Variants in TNR observed in about 807,000 individuals in gnomAD.
TNR encodes the protein tenascin-R.
A neutral mutation model predicts 150.4 loss-of-function variants in TNR; 45 were observed. The observed-to-expected ratio is 0.30, with a 90% CI of 0.24 to 0.38. The LOEUF is 0.38. Ranked by LOEUF, TNR falls within the 10% of genes least tolerant of loss-of-function variation. TNR has a pLI of 1.00. For synonymous variants in TNR, 687 were observed against 678.4 expected (o/e 1.01, Z -0.20); for missense variants, 1,544 against 1,759.1 (o/e 0.88, Z 2.19).
chr1:175,633,854 C>T (rs1369162017), intron 1 of TNR, among the ~76,000 whole-genome samples: 2 of 152,012 alleles, frequency 1.3e-5, no homozygotes, highest in African/African-American at 4.8e-5. Context: ...TTCCATAGAC[C>T]AGATATGGTT....
At chr1:175,532,864 C>T (rs1660127458) in intron 1 of TNR, among the ~76,000 whole-genome samples, 3 of 152,140 alleles carry the variant, frequency 2.0e-5, no homozygotes, top group Admixed American at 6.6e-5. Context: ...TGGCTAGCTT[C>T]CCCGAGAGTG....
At chr1:175,594,199 G>A (rs1662918226) in intron 1 of TNR, among the ~76,000 whole-genome samples, 1 of 152,052 alleles carries the variant, frequency 6.6e-6, no homozygotes, top group Non-Finnish European at 1.5e-5. Flanking sequence ...TAGGGATTGG[G>A]AATGTTATTC....
At chr1:175,684,914 C>T (rs531823514) in intron 1 of TNR, among the ~76,000 whole-genome samples, 1 of 152,336 alleles carries the variant, frequency 6.6e-6, no homozygotes, top group South Asian at 2.1e-4. Flanking sequence ...CCCACACACT[C>T]CTCTTCCTCA....
chr1:175,373,079 G>A (rs1291075337), intron 9 of TNR, among the ~76,000 whole-genome samples: 4 of 152,208 alleles, frequency 2.6e-5, no homozygotes, highest in Admixed American at 2.6e-4. Context: ...ATGCACAGAA[G>A]CAGCATGGTG....
Position 175,657,853 on chromosome 1 carries a change from GTATATATATATATATA to G in TNR, c.-165+85357_-165+85372del, listed in dbSNP as rs59315046. ...GGTGCAGCACACCAACATGGAACAT[GTATATATATATATATA>G]TATATATATATATATGTAACAAACC... is the stretch of plus-strand genomic sequence containing the variant. On this transcript the variant is annotated intron_variant, in intron 1 of 22. Transcript: ENST00000367674. Among the ~76,000 whole-genome samples, 162 of 70,484 alleles carry G rather than the reference GTATATATATATATATA, an allele frequency of 2.3e-3. 9 individuals carry two copies. Among genetic ancestry groups the G allele is most frequent in the Middle Eastern group, 9.8e-3 (1 of 102 alleles). 46.2% of individuals were successfully genotyped at this position (70,484 alleles called of 152,430 possible).
intron 11 of TNR, 139 bp from the exon 12 acceptor site, chr1:175,365,418 C>T (rs917847643): frequency 2.1e-6 from 2 of 935,462 alleles, no homozygotes; most frequent in Non-Finnish European, 3.1e-6. Flanking sequence ...GAGATTCCAC[C>T]TCCTCACCCT....
chr1:175,614,150 A>AT (rs1663690041), intron 1 of TNR, among the ~76,000 whole-genome samples: 1 of 152,196 alleles, frequency 6.6e-6, no homozygotes, highest in Non-Finnish European at 1.5e-5. Flanking sequence ...TTAATATTTA[A>AT]TTTTTCTTAT....
At chr1:175,645,984 G>A (rs959721610) in intron 1 of TNR, among the ~76,000 whole-genome samples, 1 of 152,160 alleles carries the variant, frequency 6.6e-6, no homozygotes, top group African/African-American at 2.4e-5. Flanking sequence ...TGGACTAAGG[G>A]CCACAAGAAA....
chr1:175,559,876 A>C (rs1411497950), intron 1 of TNR, among the ~76,000 whole-genome samples: 1 of 151,952 alleles, frequency 6.6e-6, no homozygotes, highest in Non-Finnish European at 1.5e-5. Flanking sequence ...TTGCCTAGTT[A>C]CTCTTATGGC....
chr1:175,686,063 A>G (rs6670652), intron 1 of TNR, among the ~76,000 whole-genome samples: 3,156 of 152,190 alleles, frequency 0.021, 108 homozygotes, highest in African/African-American at 0.072. Flanking sequence ...ACGCACACAC[A>G]CACACACAGA....
chr1:175,405,924 T>A (rs2102048073), intron 3 of TNR, among the ~76,000 whole-genome samples: 1 of 152,240 alleles, frequency 6.6e-6, no homozygotes, highest in South Asian at 2.1e-4. Flanking sequence ...GATGAACCAT[T>A]ACCTGACTCA....
chr1:175,730,907 T>C (rs1208625069), intron 1 of TNR, among the ~76,000 whole-genome samples: 1 of 152,194 alleles, frequency 6.6e-6, no homozygotes, highest in Admixed American at 6.5e-5. Context: ...TAGAAGCTGC[T>C]TCCTTTGCAG....
At chr1:175,642,292 G>C (rs948569770) in intron 1 of TNR, among the ~76,000 whole-genome samples, 4 of 152,296 alleles carry the variant, frequency 2.6e-5, no homozygotes, top group Non-Finnish European at 5.9e-5. Context: ...GGGAGAAAAA[G>C]TGTTGCAAAC....
rs180996897 is a variant in TNR at position 175,511,120 on chromosome 1, A to G, written c.-64+17149T>C. 2.2e-3 allele frequency among the ~76,000 whole-genome samples: 331 copies of G among 152,296 alleles called. 2 individuals are homozygous for G. The highest frequency in any genetic ancestry group is 7.6e-3 in the African/African-American group (316 of 41,554). On this transcript the variant is annotated intron_variant, in intron 2 of 22. Transcript: ENST00000367674. ...AGAGTGTGGGCCTGTGGGACTCTCTAAGTTGGGACTCCCTGGATCCCTTAG... is the reference window on the plus strand; with the variant it reads ...AGAGTGTGGGCCTGTGGGACTCTCTGAGTTGGGACTCCCTGGATCCCTTAG...
chr1:175,331,081 CTT>C (rs71129504), intron 20 of TNR, among the ~76,000 whole-genome samples: 207 of 91,130 alleles, frequency 2.3e-3, no homozygotes, highest in South Asian at 2.9e-3. Context: ...TTCTTTCCTT[CTT>C]TCTTTCTTTC....
chr1:175,463,638 G>A (rs76109070), intron 2 of TNR, among the ~76,000 whole-genome samples: 1,542 of 152,296 alleles, frequency 0.01, 23 homozygotes, highest in African/African-American at 0.034. Context: ...ATGTGAAAAT[G>A]TTCCCTAAAG....
intron 8 of TNR, among the ~76,000 whole-genome samples, chr1:175,383,381 G>C (rs976218458): frequency 1.3e-5 from 2 of 152,186 alleles, no homozygotes; most frequent in African/African-American, 4.8e-5. Context: ...GACTGTGCTT[G>C]GAACATTGAG....
intron 6 of TNR, among the ~76,000 whole-genome samples, chr1:175,392,660 T>C (rs1355358607): frequency 1.3e-5 from 2 of 152,198 alleles, no homozygotes; most frequent in Non-Finnish European, 2.9e-5. Context: ...TTTAGATTTA[T>C]TTACCTTGCT....
At chr1:175,652,135 AT>A (rs1180284297) in intron 1 of TNR, among the ~76,000 whole-genome samples, 1 of 147,966 alleles carries the variant, frequency 6.8e-6, no homozygotes, top group East Asian at 1.9e-4. Flanking sequence ...ATTATATTAT[AT>A]ATTATACTTT....
Sources: allele counts gnomAD v4.1 joint callset (sites outside exome capture counted in the v4.1 genomes callset), GRCh38; gene constraint gnomAD v4.1.1; transcripts MANE v1.5; gene names NCBI Gene and HGNC (gene_info 2026-07-23, HGNC 2026-07-21).